MYO19: variants seen among roughly 807,000 people sequenced by gnomAD.
The protein encoded by MYO19 is unconventional myosin-XIX.
Under a neutral mutation model 129.2 loss-of-function variants are expected in MYO19, and 132 were observed. The ratio of observed to expected loss-of-function variants is 1.02; its 90% CI spans 0.89 to 1.18. The LOEUF is 1.18. MYO19 is among the 50% of genes most tolerant of loss of function. The pLI, the probability that MYO19 is intolerant of heterozygous loss-of-function variation, is 0.00. For missense variants in MYO19, 1,210 were observed against 1,216.7 expected, an observed-to-expected ratio of 0.99 and a Z score of 0.08; for synonymous variants, 531 against 477.2, an observed-to-expected ratio of 1.11 and a Z score of -1.47.
upstream of MYO19, chr17:36,534,946 G>C (rs959779567): frequency 1.3e-5 from 2 of 152,320 alleles, no homozygotes; most frequent in African/African-American, 4.8e-5. Context: ...ACTGCTAAGT[G>C]GCCGGGGGTC....
Position 36,532,648 on chromosome 17 carries a change from T to C in MYO19, c.-110A>G. ...GGTATGGTTCCAACAAAGGGCTCAG[T>C]TCTGGAGGAATCTCAGACAAGTCAC... On this transcript the variant is annotated 5_prime_UTR_variant, in exon 3 of 26. Transcript: ENST00000614623. 7.6e-7 allele frequency: 1 copy of C among 1,323,810 alleles called. No homozygotes were observed. Among genetic ancestry groups the C allele is most frequent in the Non-Finnish European group, 1.1e-6 (1 of 941,826 alleles). The allele number at this position is 1,323,810 out of a possible 1,614,324, so 82.0% of individuals were successfully genotyped here.
intron 11 of MYO19, chr17:36,512,793 A>G: frequency 7.8e-7 from 1 of 1,285,944 alleles, no homozygotes. Flanking sequence ...GAGGGTGAGG[A>G]AGATGAGAGG....
Position 36,503,982 on chromosome 17 carries a change from G to T in MYO19, c.1944C>A (p.Thr648=). The part of the protein sequence containing the change: ...SQLEACGLVE[T]IHISAAGFPI... The stretch of plus-strand genomic sequence containing the variant: ...GGAAGCCAGCAGCACTGATATGGAT[G>T]GTCTCCACGAGGCCACAGGCCTCCA... The change falls in exon 20 of 26, where the codon ACC becomes ACA. Residue 648 remains threonine (T), a synonymous_variant. Coordinates refer to ENST00000614623, the MANE Select transcript of MYO19 (RefSeq NM_001163735.2). 6.3e-7 allele frequency: 1 copy of T among 1,590,398 alleles called. No individual in the cohort carries two copies.
At chr17:36,503,537 C>T (rs373566985) in intron 20 of MYO19, among the ~76,000 whole-genome samples, 1 of 152,242 alleles carries the variant, frequency 6.6e-6, no homozygotes, top group Non-Finnish European at 1.5e-5. Context: ...AGTCCTATGA[C>T]GCAGACATGC....
chr17:36,498,065 A>G (rs2071165214), intron 25 of MYO19: 1 of 559,340 alleles, frequency 1.8e-6, no homozygotes. Context: ...AAAAAGATAA[A>G]GGGCTCTGGA....
At chr17:36,528,479 C>G (rs996987443) in intron 3 of MYO19, among the ~76,000 whole-genome samples, 1 of 151,614 alleles carries the variant, frequency 6.6e-6, no homozygotes, top group African/African-American at 2.4e-5. Flanking sequence ...CTACTGCACT[C>G]CAGCCTGGGC....
chr17:36,529,093 G>A (rs143541330), intron 3 of MYO19, among the ~76,000 whole-genome samples: 62 of 152,048 alleles, frequency 4.1e-4, no homozygotes, highest in African/African-American at 1.2e-3. Context: ...TGGCTCAGAC[G>A]GCTGTCTGAG....
intron 16 of MYO19, 38 bp from the exon 17 acceptor site, chr17:36,507,177 G>C (rs769403299): frequency 8.2e-6 from 13 of 1,579,910 alleles, no homozygotes; most frequent in East Asian, 2.3e-5. Flanking sequence ...ACCAACATGA[G>C]AGTGTCTCAC....
intron 13 of MYO19, 97 bp from the exon 14 acceptor site, chr17:36,509,232 GC>G: frequency 9.5e-7 from 1 of 1,055,476 alleles, no homozygotes; most frequent in Non-Finnish European, 1.4e-6. Context: ...ACCCTGGGGG[GC>G]CCTTGTATTC....
chr17:36,509,297 G>A lies in MYO19; in HGVS notation c.1158-162C>T, dbSNP rs73993020. 1.4e-3 allele frequency: 913 copies of A among 645,762 alleles called. 11 individuals are homozygous for A. The African/African-American group carries it at 0.016, about 11-fold the overall frequency. 40.0% of individuals were successfully genotyped at this position (645,762 alleles called of 1,614,324 possible). ...TCTCCTCTTGCTTCCGGCCTATCAC[G>A]TCTTGACCTACTACAGATGCAGGCT... On this transcript the variant is annotated intron_variant, in intron 13 of 25. Coordinates refer to ENST00000614623, the MANE Select transcript of MYO19 (RefSeq NM_001163735.2).
At chr17:36,499,348 C>T in intron 23 of MYO19, 188 bp from the exon 24 acceptor site, 2 of 435,612 alleles carry the variant, frequency 4.6e-6, no homozygotes, top group South Asian at 4.2e-5. Context: ...ACATTCCTTA[C>T]ACTGCCCACA....
chr17:36,520,660 C>T (rs1376959242), intron 6 of MYO19, among the ~76,000 whole-genome samples: 1 of 152,148 alleles, frequency 6.6e-6, no homozygotes. Context: ...GTGATGAAGA[C>T]CTTTATGAGG....
chr17:36,504,945 C>A, intron 19 of MYO19: 1 of 310,842 alleles, frequency 3.2e-6, no homozygotes, highest in Non-Finnish European at 6.3e-6. Flanking sequence ...AAAATGATAC[C>A]TCCAGTGAGA....
At position 36,496,324 on chromosome 17, in the gene MYO19, C is replaced by CATTACAAAAT. The variant is rs777491008; in HGVS notation, c.2839_2840insATTTTGTAAT (p.Gly947AspfsTer6). On this transcript the variant is annotated frameshift_variant, in exon 26 of 26. Transcript: ENST00000614623. LOFTEE classifies it high-confidence loss of function. ...TCTTTCCAGCAGAATCTGATTAAAG[C>CATTACAAAAT]CTGTAATGCTGTAGGGTGAAGGTTC... 38 of 1,613,978 alleles carry CATTACAAAAT rather than the reference C, an allele frequency of 2.4e-5. No homozygotes were observed. In the South Asian group the frequency reaches 4.1e-4, roughly 17 times the overall value.
intron 21 of MYO19, chr17:36,502,032 A>G (rs1044768420): frequency 9.8e-5 from 15 of 153,120 alleles, no homozygotes; most frequent in African/African-American, 3.4e-4. Context: ...GGGTGAAAGG[A>G]AAGTGAAAAC....
Position 36,495,799 on chromosome 17 carries a change from TAAATC to T in MYO19, c.*447_*451del, listed in dbSNP as rs2070917423. ...TTTAATTGTTTGAAATTACATTAAA[TAAATC>T]AACTAATTAAATACTAAAGTTTTGT... On this transcript the variant is annotated 3_prime_UTR_variant, in exon 26 of 26. Coordinates refer to ENST00000614623, the MANE Select transcript of MYO19 (RefSeq NM_001163735.2). The T allele has an allele frequency of 8.1e-7, 1 of 1,240,850 alleles. No homozygotes were observed. Among genetic ancestry groups the T allele is most frequent in the East Asian group, 3.1e-5 (1 of 32,444 alleles). 76.9% of individuals were successfully genotyped at this position (1,240,850 alleles called of 1,614,324 possible). A position where few individuals can be genotyped will look rare whatever the true frequency, so the allele number is the denominator to read the frequency against.
intron 21 of MYO19, 120 bp from the exon 22 acceptor site, chr17:36,501,355 TA>T (rs1354535064): frequency 7.6e-5 from 82 of 1,072,198 alleles, no homozygotes; most frequent in Non-Finnish European, 2.2e-5. Context: ...TTCTTGGCTC[TA>T]GCCATTTTCT....
intron 23 of MYO19, chr17:36,500,491 G>A (rs1357701240): frequency 3.7e-6 from 1 of 270,512 alleles, no homozygotes; most frequent in East Asian, 6.7e-5. Context: ...TCCAGCCCTA[G>A]AGCCCAGCAG....
chr17:36,534,218 G>A (rs1002666857), intron 1 of MYO19, 114 bp from the exon 2 acceptor site: 14 of 152,488 alleles, frequency 9.2e-5, no homozygotes, highest in African/African-American at 2.6e-4. Flanking sequence ...ATGGAGGACA[G>A]TGGGAGGGCA....
Sources: allele counts gnomAD v4.1 joint callset (sites outside exome capture counted in the v4.1 genomes callset), GRCh38; gene constraint gnomAD v4.1.1; transcripts MANE v1.5; gene names NCBI Gene and HGNC (gene_info 2026-07-23, HGNC 2026-07-21).